The following KHDRBS2 variants were observed in gnomAD, a reference collection of about 807,000 sequenced individuals.
The protein encoded by KHDRBS2 is KH domain-containing, RNA-binding, signal transduction-associated protein 2.
KHDRBS2 carries 26 observed loss-of-function variants against 44.3 expected under a neutral mutation model. The ratio of observed to expected loss-of-function variants is 0.59; its 90% CI spans 0.43 to 0.81. The LOEUF (loss-of-function observed/expected upper bound fraction) is 0.81. KHDRBS2 is among the 40% of genes least tolerant of loss of function. The pLI, the probability that KHDRBS2 is intolerant of heterozygous loss-of-function variation, is 0.00. For missense variants in KHDRBS2, 476 were observed against 433.1 expected, an observed-to-expected ratio of 1.10 and a Z score of -0.88; for synonymous variants, 194 against 151.1, an observed-to-expected ratio of 1.28 and a Z score of -2.08.
chr6:62,271,962 G>A (rs1840165403), intron 1 of KHDRBS2, among the ~76,000 whole-genome samples: 1 of 152,086 alleles, frequency 6.6e-6, no homozygotes, highest in Non-Finnish European at 1.5e-5. Flanking sequence ...GTACAGTAAT[G>A]TCCTCGACCT....
chr6:61,628,881 T>G, the KHDRBS2 span, among the ~76,000 whole-genome samples: 133 of 152,346 alleles, frequency 8.7e-4, 1 homozygote, highest in African/African-American at 3.1e-3. Flanking sequence ...TATAACTTTT[T>G]GTGATCTCAA....
chr6:61,698,713 C>A (rs1169017345), intron 7 of KHDRBS2, among the ~76,000 whole-genome samples: 4 of 152,056 alleles, frequency 2.6e-5, no homozygotes, highest in Non-Finnish European at 4.4e-5. Context: ...CATGCTCTAA[C>A]ACTTTCTCCT....
At chr6:62,036,542 A>T (rs1310805656) in intron 3 of KHDRBS2, among the ~76,000 whole-genome samples, 2 of 151,986 alleles carry the variant, frequency 1.3e-5, no homozygotes, top group Non-Finnish European at 2.9e-5. Flanking sequence ...CTCTAAGCCT[A>T]AAATTATAAG....
intron 3 of KHDRBS2, among the ~76,000 whole-genome samples, chr6:62,027,575 T>C (rs939504446): frequency 2.6e-5 from 4 of 152,210 alleles, no homozygotes; most frequent in African/African-American, 9.6e-5. Context: ...TAATTTATCA[T>C]GTGATTAGAG....
intron 6 of KHDRBS2, among the ~76,000 whole-genome samples, chr6:61,780,368 C>T (rs1236377826): frequency 1.3e-5 from 2 of 151,938 alleles, no homozygotes; most frequent in Non-Finnish European, 2.9e-5. Context: ...GGTGTGGTGG[C>T]GTGTGCCTGT....
chr6:61,650,870 A>G, the KHDRBS2 span, among the ~76,000 whole-genome samples: 1 of 151,984 alleles, frequency 6.6e-6, no homozygotes, highest in East Asian at 1.9e-4. Context: ...AGAAAGAAAA[A>G]CTTTATTAAC....
intron 6 of KHDRBS2, among the ~76,000 whole-genome samples, chr6:61,855,799 G>T (rs562481389): frequency 1.2e-3 from 180 of 152,032 alleles, no homozygotes; most frequent in Non-Finnish European, 1.9e-3. Flanking sequence ...GTTCTGAAGC[G>T]CTTTCAACAT....
intron 4 of KHDRBS2, among the ~76,000 whole-genome samples, chr6:61,941,387 C>T (rs1270854161): frequency 6.6e-6 from 1 of 152,042 alleles, no homozygotes; most frequent in East Asian, 1.9e-4. Context: ...GCCCCAAGAA[C>T]CTGCCCACCC....
chr6:61,834,706 G>C (rs555415719), intron 6 of KHDRBS2, among the ~76,000 whole-genome samples: 1 of 151,848 alleles, frequency 6.6e-6, no homozygotes, highest in Non-Finnish European at 1.5e-5. Context: ...ATTACAAAGG[G>C]TGCACTAAAA....
intron 4 of KHDRBS2, among the ~76,000 whole-genome samples, chr6:61,925,570 C>T (rs1474698492): frequency 6.6e-6 from 1 of 151,742 alleles, no homozygotes; most frequent in Non-Finnish European, 1.5e-5. Flanking sequence ...TTTAAAAAGC[C>T]AGGCATAGTG....
intron 2 of KHDRBS2, among the ~76,000 whole-genome samples, chr6:62,103,909 A>T (rs1440511046): frequency 2.6e-5 from 4 of 152,242 alleles, no homozygotes; most frequent in Admixed American, 2.6e-4. Flanking sequence ...CATTTTAGAC[A>T]CAAAAGCAGA....
chr6:62,070,729 C>T (rs1396326579), intron 2 of KHDRBS2, among the ~76,000 whole-genome samples: 1 of 152,108 alleles, frequency 6.6e-6, no homozygotes, highest in Non-Finnish European at 1.5e-5. Context: ...TTTCTTAATC[C>T]AGTCTATCAT....
chr6:61,797,895 T>C (rs748369218), intron 6 of KHDRBS2, among the ~76,000 whole-genome samples: 4 of 151,908 alleles, frequency 2.6e-5, no homozygotes, highest in Non-Finnish European at 4.4e-5. Flanking sequence ...GTTCAGGAGG[T>C]ATATGTGTAG....
chr6:62,037,895 A>C (rs2127297221), intron 3 of KHDRBS2, among the ~76,000 whole-genome samples: 1 of 152,224 alleles, frequency 6.6e-6, no homozygotes, highest in Admixed American at 6.6e-5. Flanking sequence ...TTGCACAAAA[A>C]TATGCAAAGA....
At chr6:61,739,389 A>G (rs1293257983) in intron 6 of KHDRBS2, among the ~76,000 whole-genome samples, 1 of 151,892 alleles carries the variant, frequency 6.6e-6, no homozygotes, top group Non-Finnish European at 1.5e-5. Context: ...TTTCTTAATG[A>G]TAGGAGCAAC....
intron 4 of KHDRBS2, among the ~76,000 whole-genome samples, chr6:61,942,471 T>G (rs1267426091): frequency 6.6e-6 from 1 of 152,018 alleles, no homozygotes; most frequent in Admixed American, 6.6e-5. Context: ...ATACACTAGA[T>G]TAAGCAGAAA....
intron 2 of KHDRBS2, among the ~76,000 whole-genome samples, chr6:62,078,848 G>A (rs533334770): frequency 1.3e-5 from 2 of 152,112 alleles, no homozygotes; most frequent in South Asian, 4.1e-4. Flanking sequence ...CAATCAATAT[G>A]TTTTGCATTT....
At chr6:62,003,056 C>CT (rs1305821317) in intron 3 of KHDRBS2, among the ~76,000 whole-genome samples, 5 of 151,930 alleles carry the variant, frequency 3.3e-5, no homozygotes, top group East Asian at 1.9e-4. Flanking sequence ...CAAAATTATA[C>CT]TTTTTTTTCC....
intron 8 of KHDRBS2, among the ~76,000 whole-genome samples, chr6:61,690,073 A>G (rs1767225653): frequency 6.6e-6 from 1 of 151,936 alleles, no homozygotes; most frequent in African/African-American, 2.4e-5. Flanking sequence ...TAGCACATTT[A>G]TTTCAGACCA....
Sources: gnomAD v4.1 joint callset for allele counts (sites outside exome capture counted in the v4.1 genomes callset) on GRCh38, gnomAD v4.1.1 for gene constraint, MANE v1.5 for transcripts, NCBI Gene and HGNC (gene_info 2026-07-23, HGNC 2026-07-21) for gene names.